UNC5D: variants seen among roughly 807,000 people sequenced by gnomAD.
UNC5D encodes the protein netrin receptor UNC5D.
UNC5D carries 39 observed loss-of-function variants against 105.4 expected under a neutral mutation model. That is an observed-to-expected ratio of 0.37 (90% confidence interval 0.29 to 0.48). The LOEUF (loss-of-function observed/expected upper bound fraction) is 0.48. Ranked by LOEUF, UNC5D falls within the 20% of genes least tolerant of loss-of-function variation. The pLI, the probability that UNC5D is intolerant of heterozygous loss-of-function variation, is 0.98. For missense variants in UNC5D, 991 were observed against 1,202.4 expected, an observed-to-expected ratio of 0.82 and a Z score of 2.60; for synonymous variants, 452 against 450.4, an observed-to-expected ratio of 1.00 and a Z score of -0.04.
intron 1 of UNC5D, among the ~76,000 whole-genome samples, chr8:35,283,258 C>A (rs1377433642): frequency 6.6e-6 from 1 of 152,034 alleles, no homozygotes; most frequent in African/African-American, 2.4e-5. Flanking sequence ...TCACTTTTGT[C>A]CCCAGCATAC....
At chr8:35,311,432 A>G (rs1808876915) in intron 1 of UNC5D, among the ~76,000 whole-genome samples, 2 of 152,114 alleles carry the variant, frequency 1.3e-5, no homozygotes, top group Admixed American at 1.3e-4. Flanking sequence ...TTGGCTGGGT[A>G]AGCAAATTAA....
chr8:35,568,531 A>G (rs866769397), intron 3 of UNC5D, among the ~76,000 whole-genome samples: 15 of 152,182 alleles, frequency 9.9e-5, no homozygotes, highest in Non-Finnish European at 2.9e-5. Flanking sequence ...TCTACTAATA[A>G]TACAAAAATT....
At chr8:35,604,377 C>T (rs1820122509) in intron 4 of UNC5D, among the ~76,000 whole-genome samples, 1 of 152,086 alleles carries the variant, frequency 6.6e-6, no homozygotes, top group African/African-American at 2.4e-5. Context: ...TGGCCCCCAC[C>T]CTCTTCTGGC....
At chr8:35,530,210 A>G (rs1306092322) in intron 1 of UNC5D, among the ~76,000 whole-genome samples, 2 of 150,248 alleles carry the variant, frequency 1.3e-5, no homozygotes, top group Admixed American at 6.7e-5. Context: ...ATTATTTTGA[A>G]ATATGTCCCA....
intron 1 of UNC5D, among the ~76,000 whole-genome samples, chr8:35,241,493 G>A (rs750960083): frequency 6.6e-6 from 1 of 152,078 alleles, no homozygotes; most frequent in Non-Finnish European, 1.5e-5. Flanking sequence ...TGTGTTTATG[G>A]GGCTAAAGTA....
chr8:35,249,033 A>C (rs1334412808), intron 1 of UNC5D, among the ~76,000 whole-genome samples: 12 of 23,654 alleles, frequency 5.1e-4, no homozygotes, highest in Admixed American at 2.5e-3. Context: ...ATGTTTATAT[A>C]ATATATATTA....
intron 1 of UNC5D, among the ~76,000 whole-genome samples, chr8:35,263,965 T>G (rs898681006): frequency 1.3e-4 from 20 of 152,242 alleles, no homozygotes; most frequent in Admixed American, 3.3e-4. Context: ...TCATGATTTT[T>G]TGCTATAATT....
chr8:35,498,079 CAAAACAAAAAAAAAAA>C (rs1475914040), intron 1 of UNC5D, among the ~76,000 whole-genome samples: 2 of 59,424 alleles, frequency 3.4e-5, no homozygotes, highest in African/African-American at 4.3e-5. Flanking sequence ...CAAAACAAAA[CAAAACAAAAAAAAAAA>C]AAAAAAAAAA....
Position 35,719,740 on chromosome 8 carries a change from T to C in UNC5D, c.1118-2470T>C, listed in dbSNP as rs117138189. Among the ~76,000 whole-genome samples the C allele has an allele frequency of 5.3e-5, 8 of 152,316 alleles. No individual in the cohort carries two copies. The East Asian group carries it at 1.5e-3, about 29-fold the overall frequency. On this transcript the variant is annotated intron_variant, in intron 8 of 16. Coordinates refer to ENST00000404895, the MANE Select transcript of UNC5D (RefSeq NM_080872.4). Reference sequence around the variant, plus strand: ...TTATAATTCCCAGGACAAATTGTTCTGTAAAATAATTCCCATTTTGCTTAT... The same window carrying C: ...TTATAATTCCCAGGACAAATTGTTCCGTAAAATAATTCCCATTTTGCTTAT...
At chr8:35,387,936 G>A (rs561840499) in intron 1 of UNC5D, among the ~76,000 whole-genome samples, 11 of 152,190 alleles carry the variant, frequency 7.2e-5, no homozygotes, top group South Asian at 6.2e-4. Flanking sequence ...AAAATTGATC[G>A]GCTAAGTAAT....
At chr8:35,436,747 A>AT (rs1230796227) in intron 1 of UNC5D, among the ~76,000 whole-genome samples, 1 of 152,100 alleles carries the variant, frequency 6.6e-6, no homozygotes, top group Non-Finnish European at 1.5e-5. Context: ...AAGGGACTAT[A>AT]TACCCTAAAA....
At chr8:35,326,369 A>G (rs1321948295) in intron 1 of UNC5D, among the ~76,000 whole-genome samples, 3 of 152,168 alleles carry the variant, frequency 2.0e-5, no homozygotes, top group African/African-American at 7.2e-5. Context: ...GGAAACCAAG[A>G]CACATTTTAG....
At chr8:35,341,558 G>A (rs1228625165) in intron 1 of UNC5D, among the ~76,000 whole-genome samples, 3 of 150,662 alleles carry the variant, frequency 2.0e-5, no homozygotes, top group East Asian at 3.9e-4. Flanking sequence ...GTTCTCTTTC[G>A]CCATTTTAAA....
intron 1 of UNC5D, chr8:35,255,316 C>T (rs1804000749): frequency 6.6e-6 from 1 of 152,134 alleles, no homozygotes; most frequent in Admixed American, 6.5e-5. Context: ...AACTGGTCAT[C>T]CTGAGTAGAC....
At chr8:35,700,916 T>TG (rs1348796114) in intron 7 of UNC5D, among the ~76,000 whole-genome samples, 1 of 152,192 alleles carries the variant, frequency 6.6e-6, no homozygotes, top group Non-Finnish European at 1.5e-5. Flanking sequence ...AGGCAGACTA[T>TG]TCTATAGACT....
intron 1 of UNC5D, among the ~76,000 whole-genome samples, chr8:35,459,288 G>C (rs577583900): frequency 2.6e-5 from 4 of 152,252 alleles, no homozygotes; most frequent in South Asian, 4.1e-4. Context: ...AGTTAGGTGA[G>C]GGTGGAGAAT....
intron 1 of UNC5D, among the ~76,000 whole-genome samples, chr8:35,405,228 C>A (rs1037462512): frequency 6.6e-6 from 1 of 152,004 alleles, no homozygotes; most frequent in Non-Finnish European, 1.5e-5. Flanking sequence ...GGAGGAGCAA[C>A]GAGAAACTCA....
intron 1 of UNC5D, among the ~76,000 whole-genome samples, chr8:35,334,410 G>A (rs1810861822): frequency 6.6e-6 from 1 of 152,044 alleles, no homozygotes. Context: ...TTTCTAAGTA[G>A]GACTTTTATC....
At chr8:35,610,329 T>C (rs1820589603) in intron 4 of UNC5D, among the ~76,000 whole-genome samples, 1 of 152,170 alleles carries the variant, frequency 6.6e-6, no homozygotes, top group Non-Finnish European at 1.5e-5. Context: ...AGGCCAATGA[T>C]AGTCTCTCTG....
Sources: allele counts gnomAD v4.1 joint callset (sites outside exome capture counted in the v4.1 genomes callset), GRCh38; gene constraint gnomAD v4.1.1; transcripts MANE v1.5; gene names NCBI Gene and HGNC (gene_info 2026-07-23, HGNC 2026-07-21).